The following TENM3 variants were observed in gnomAD, a reference collection of about 807,000 sequenced individuals.
TENM3 encodes teneurin-3.
Under a neutral mutation model 255.1 loss-of-function variants are expected in TENM3, and 63 were observed. The ratio of observed to expected loss-of-function variants is 0.25; its 90% CI spans 0.20 to 0.30. TENM3 has a LOEUF of 0.30. TENM3 is among the 10% of genes least tolerant of loss of function. The probability of loss-of-function intolerance (pLI) is 1.00; values close to 1 mark genes in which losing one functional copy is unlikely to be tolerated. For synonymous variants in TENM3, 1,306 were observed against 1,322.3 expected (o/e 0.99, Z 0.27); for missense variants, 2,929 against 3,461.1 (o/e 0.85, Z 3.86).
the TENM3 span, among the ~76,000 whole-genome samples, chr4:181,593,004 C>G: frequency 2.3e-4 from 35 of 152,274 alleles, 1 homozygote; most frequent in Admixed American, 2.0e-3. Context: ...TATGACAAAG[C>G]AAGCCATGGG....
the TENM3 span, among the ~76,000 whole-genome samples, chr4:181,518,745 C>T: frequency 1.5e-3 from 229 of 152,154 alleles, 2 homozygotes; most frequent in East Asian, 6.4e-3. Context: ...GTTTTTATAA[C>T]GCTAAAGTGT....
At chr4:182,367,717 A>AT (rs1766526092) in intron 3 of TENM3, among the ~76,000 whole-genome samples, 2 of 152,330 alleles carry the variant, frequency 1.3e-5, no homozygotes, top group South Asian at 4.1e-4. Flanking sequence ...ACATAAAGTC[A>AT]TATTGCAGGA....
intron 13 of TENM3, among the ~76,000 whole-genome samples, chr4:182,727,212 T>C (rs554485287): frequency 6.6e-6 from 1 of 152,178 alleles, no homozygotes; most frequent in African/African-American, 2.4e-5. Flanking sequence ...TCCCAGCACT[T>C]TGAGAGGCCT....
At chr4:182,285,945 C>T (rs1016982050) in intron 1 of TENM3, among the ~76,000 whole-genome samples, 5 of 152,154 alleles carry the variant, frequency 3.3e-5, no homozygotes, top group African/African-American at 9.7e-5. Flanking sequence ...AACCACTGAT[C>T]ATCTTTCTGA....
intron 3 of TENM3, among the ~76,000 whole-genome samples, chr4:182,598,494 G>C (rs1747506042): frequency 6.6e-6 from 1 of 152,092 alleles, no homozygotes; most frequent in African/African-American, 2.4e-5. Flanking sequence ...GCTTATTTTT[G>C]AAACCTTAAT....
intron 16 of TENM3, among the ~76,000 whole-genome samples, chr4:182,732,496 A>C (rs1460666825): frequency 2.6e-5 from 4 of 152,218 alleles, no homozygotes; most frequent in African/African-American, 9.6e-5. Context: ...GTTAGAAATA[A>C]CTTTCAGATC....
chr4:182,046,293 T>C, the TENM3 span, among the ~76,000 whole-genome samples: 2 of 152,102 alleles, frequency 1.3e-5, no homozygotes, highest in South Asian at 2.1e-4. Context: ...AAATATTATC[T>C]TTTTATATCT....
chr4:181,476,100 G>A, the TENM3 span, among the ~76,000 whole-genome samples: 1 of 152,184 alleles, frequency 6.6e-6, no homozygotes. Context: ...AATTAATGGA[G>A]CAAGCTGGGC....
the TENM3 span, among the ~76,000 whole-genome samples, chr4:182,088,850 AAAG>A: frequency 8.4e-5 from 12 of 142,912 alleles, no homozygotes; most frequent in Admixed American, 2.8e-4. Context: ...AAAAAAAAAA[AAAG>A]AGAGAGACAG....
At chr4:181,528,058 TCCTTACATAC>T in the TENM3 span, among the ~76,000 whole-genome samples, 1 of 152,172 alleles carries the variant, frequency 6.6e-6, no homozygotes, top group Non-Finnish European at 1.5e-5. Flanking sequence ...AAGGCGTAAA[TCCTTACATAC>T]ATCTCTGATT....
chr4:181,754,088 T>C, the TENM3 span, among the ~76,000 whole-genome samples: 27 of 152,322 alleles, frequency 1.8e-4, no homozygotes, highest in African/African-American at 6.0e-4. Context: ...AACTATCTTT[T>C]ATGCTATAAA....
At chr4:182,526,022 C>G (rs137933540) in intron 3 of TENM3, among the ~76,000 whole-genome samples, 127 of 152,274 alleles carry the variant, frequency 8.3e-4, no homozygotes, top group African/African-American at 2.5e-3. Context: ...CTCTGTCGCC[C>G]AGGCTGGAGT....
the TENM3 span, among the ~76,000 whole-genome samples, chr4:182,094,296 A>G: frequency 6.6e-6 from 1 of 151,430 alleles, no homozygotes; most frequent in Non-Finnish European, 1.5e-5. Context: ...CCTAGACTGG[A>G]GTGCAGTGGT....
chr4:181,542,642 C>A, the TENM3 span, among the ~76,000 whole-genome samples: 1 of 152,078 alleles, frequency 6.6e-6, no homozygotes, highest in East Asian at 1.9e-4. Flanking sequence ...AGGATAACTT[C>A]TAGGTTTTCA....
At chr4:182,621,759 A>G (rs1581130222) in intron 4 of TENM3, among the ~76,000 whole-genome samples, 1 of 65,054 alleles carries the variant, frequency 1.5e-5, no homozygotes, top group Non-Finnish European at 3.1e-5. Flanking sequence ...ATTATAATAT[A>G]TAATAATTAT....
chr4:182,581,533 T>G (rs1305593119), intron 3 of TENM3, among the ~76,000 whole-genome samples: 1 of 151,486 alleles, frequency 6.6e-6, no homozygotes, highest in Non-Finnish European at 1.5e-5. Flanking sequence ...AGGTCAGGAG[T>G]TCAAGACCAT....
chr4:181,637,351 GCAAC>G, the TENM3 span, among the ~76,000 whole-genome samples: 1 of 152,196 alleles, frequency 6.6e-6, no homozygotes, highest in Non-Finnish European at 1.5e-5. Context: ...GGCTCCCCCA[GCAAC>G]TCCGGGCTGT....
chr4:181,474,750 A>AAT, the TENM3 span, among the ~76,000 whole-genome samples: 3 of 151,602 alleles, frequency 2.0e-5, no homozygotes, highest in African/African-American at 7.3e-5. Flanking sequence ...AAAAAAAAAA[A>AAT]AAACAAAGAA....
intron 3 of TENM3, among the ~76,000 whole-genome samples, chr4:182,437,642 A>T (rs1415756665): frequency 6.6e-6 from 1 of 152,088 alleles, no homozygotes; most frequent in Non-Finnish European, 1.5e-5. Flanking sequence ...CTAAAAACAT[A>T]AAAAAGTTAG....
Sources: gnomAD v4.1 joint callset for allele counts (sites outside exome capture counted in the v4.1 genomes callset) on GRCh38, gnomAD v4.1.1 for gene constraint, MANE v1.5 for transcripts, NCBI Gene and HGNC (gene_info 2026-07-23, HGNC 2026-07-21) for gene names.